INPP4B: variants seen among roughly 807,000 people sequenced by gnomAD.
The protein encoded by INPP4B is inositol polyphosphate-4-phosphatase type II B.
In INPP4B, 55 loss-of-function variants were observed where a neutral mutation model predicts 122.5. The ratio of observed to expected loss-of-function variants is 0.45; its 90% CI spans 0.36 to 0.56. The LOEUF is 0.56. Ranked by LOEUF, INPP4B falls within the 20% of genes least tolerant of loss-of-function variation. INPP4B has a pLI of 0.00. For synonymous variants in INPP4B, 403 were observed against 388.7 expected (o/e 1.04, Z -0.43); for missense variants, 1,000 against 1,097.7 (o/e 0.91, Z 1.26).
intron 15 of INPP4B, among the ~76,000 whole-genome samples, chr4:142,184,367 G>A (rs192615445): frequency 1.4e-3 from 213 of 152,232 alleles, no homozygotes; most frequent in Non-Finnish European, 5.0e-4. Flanking sequence ...AAACACTAAT[G>A]TTATACCTGC....
At chr4:142,414,596 C>T (rs1163961878) in intron 5 of INPP4B, among the ~76,000 whole-genome samples, 1 of 152,198 alleles carries the variant, frequency 6.6e-6, no homozygotes, top group Non-Finnish European at 1.5e-5. Context: ...CTCCCATTCT[C>T]AAGCTTATGC....
chr4:142,123,199 T>C (rs1797285449), intron 20 of INPP4B, 93 bp downstream of exon 20: 2 of 1,057,920 alleles, frequency 1.9e-6, no homozygotes, highest in Admixed American at 5.2e-5. Flanking sequence ...ACAATAAAGG[T>C]TTACTTATTT....
intron 23 of INPP4B, among the ~76,000 whole-genome samples, chr4:142,090,349 C>T (rs1778932604): frequency 6.6e-6 from 1 of 150,864 alleles, no homozygotes; most frequent in African/African-American, 2.4e-5. Flanking sequence ...ACAAAACTTG[C>T]TTTATTCAGA....
At position 142,592,670 on chromosome 4, in the gene INPP4B, C is replaced by G. The variant is rs375109560; in HGVS notation, c.-190-129944G>C. On this transcript the variant is annotated intron_variant, in intron 2 of 25. Coordinates refer to ENST00000262992, the MANE Select transcript of INPP4B (RefSeq NM_001101669.3). ...ATTGTATGAGAGATTTGAACTTAGGCAGTCATCATTTTTTTCTTTTTAAGT... is the reference window on the plus strand; with the variant it reads ...ATTGTATGAGAGATTTGAACTTAGGGAGTCATCATTTTTTTCTTTTTAAGT... Among the ~76,000 whole-genome samples the G allele has an allele frequency of 2.0e-4, 30 of 152,246 alleles. No individual in the cohort carries two copies. The East Asian group carries it at 4.0e-3, about 21-fold the overall frequency.
chr4:142,391,923 A>G (rs1797826108), intron 7 of INPP4B, among the ~76,000 whole-genome samples: 3 of 152,190 alleles, frequency 2.0e-5, no homozygotes, highest in Admixed American at 2.0e-4. Context: ...TGATTGTATA[A>G]AAGCTTTCCC....
chr4:142,259,866 A>G lies in INPP4B; in HGVS notation c.688+626T>C, dbSNP rs10001767. Among the ~76,000 whole-genome samples, 698 of 152,262 alleles carry G rather than the reference A, an allele frequency of 4.6e-3. 5 individuals carry two copies. The highest frequency in any genetic ancestry group is 0.016 in the African/African-American group (659 of 41,536). On this transcript the variant is annotated intron_variant, in intron 11 of 25. Coordinates refer to ENST00000262992, the MANE Select transcript of INPP4B (RefSeq NM_001101669.3). ...TAGCCTAGGCCCACATGGGGTCAGG[A>G]TCATCAAGATGTTACTAGGCAATAG...
chr4:142,046,954 T>G, intron 25 of INPP4B, among the ~76,000 whole-genome samples: 1 of 152,198 alleles, frequency 6.6e-6, no homozygotes, highest in Admixed American at 6.6e-5. Flanking sequence ...AGGCAGCAAT[T>G]AAAAACTCCA....
At chr4:142,268,297 T>C (rs1204909734) in intron 10 of INPP4B, among the ~76,000 whole-genome samples, 1 of 54,174 alleles carries the variant, frequency 1.8e-5, no homozygotes, top group Non-Finnish European at 3.9e-5. Flanking sequence ...CACTCTGGCC[T>C]GGGTGACAGA....
rs192235841 is a variant in INPP4B at position 142,597,112 on chromosome 4, A to G, written c.-191+128727T>C. Among the ~76,000 whole-genome samples, 395 of 152,350 alleles carry G rather than the reference A, an allele frequency of 2.6e-3. 3 individuals are homozygous for G. Among genetic ancestry groups the G allele is most frequent in the African/African-American group, 9.2e-3 (384 of 41,584 alleles). On this transcript the variant is annotated intron_variant, in intron 2 of 25. Transcript: ENST00000262992. Reference sequence around the variant, plus strand: ...ATATAAGTGACATTGGAGAAAATAAATTCCTTGCCCAGATTTTCCCAAATA... The same window carrying G: ...ATATAAGTGACATTGGAGAAAATAAGTTCCTTGCCCAGATTTTCCCAAATA...
At chr4:142,627,911 T>C (rs1032173841) in intron 2 of INPP4B, among the ~76,000 whole-genome samples, 34 of 151,864 alleles carry the variant, frequency 2.2e-4, no homozygotes, top group African/African-American at 8.0e-4. Context: ...AAGCTATTGA[T>C]TATTGCCACA....
chr4:142,484,774 T>G (rs1050569833), intron 2 of INPP4B, among the ~76,000 whole-genome samples: 1 of 151,970 alleles, frequency 6.6e-6, no homozygotes, highest in Non-Finnish European at 1.5e-5. Context: ...CTCTCCACCC[T>G]TCGACAGGTC....
At chr4:142,508,797 G>T (rs1227049872) in intron 2 of INPP4B, among the ~76,000 whole-genome samples, 1 of 152,126 alleles carries the variant, frequency 6.6e-6, no homozygotes, top group African/African-American at 2.4e-5. Context: ...GACATTCTTG[G>T]TTCTCCCAAA....
intron 2 of INPP4B, among the ~76,000 whole-genome samples, chr4:142,665,493 C>CAAAAAAAA (rs11417876): frequency 9.3e-6 from 1 of 107,758 alleles, no homozygotes; most frequent in African/African-American, 3.6e-5. Context: ...GACTCTGTCT[C>CAAAAAAAA]AAAAAAAAAA....
At chr4:142,735,924 A>AAC (rs33993491) in intron 1 of INPP4B, among the ~76,000 whole-genome samples, 18,072 of 142,526 alleles carry the variant, frequency 0.13, 1,129 homozygotes, top group Admixed American at 0.19. Flanking sequence ...TATACATTGC[A>AAC]ACACACACAC....
chr4:142,426,476 C>T (rs1239852291), intron 5 of INPP4B: 2 of 151,838 alleles, frequency 1.3e-5, no homozygotes, highest in East Asian at 1.9e-4. Flanking sequence ...GAAACAGAGT[C>T]GCAGTTGTAG....
At chr4:142,813,866 C>T (rs770853822) in intron 1 of INPP4B, among the ~76,000 whole-genome samples, 2 of 152,116 alleles carry the variant, frequency 1.3e-5, no homozygotes, top group Admixed American at 6.6e-5. Flanking sequence ...TTTGAGTACT[C>T]AATAAAACAG....
rs1770914899 is a variant in INPP4B, at chr4:142,323,442, A to AT, written c.373-8681_373-8680insA. On this transcript the variant is annotated intron_variant, in intron 7 of 25. Coordinates refer to ENST00000262992, the MANE Select transcript of INPP4B (RefSeq NM_001101669.3). ...GAGGTTCATTATTACGGTTATGATG[A>AT]CTTTTTTTTTTTTTTTTTTTTGAGA... Among the ~76,000 whole-genome samples, 4 of 133,886 alleles carry AT rather than the reference A, an allele frequency of 3.0e-5. No homozygotes were observed. In the Admixed American group the frequency reaches 3.2e-4, roughly 11 times the overall value. The allele number at this position is 133,886 out of a possible 152,430, so 87.8% of individuals were successfully genotyped here.
chr4:142,527,096 C>T (rs1421744552), intron 2 of INPP4B, among the ~76,000 whole-genome samples: 1 of 151,524 alleles, frequency 6.6e-6, no homozygotes, highest in Non-Finnish European at 1.5e-5. Context: ...TAAAATATGC[C>T]CAATATGAAA....
At chr4:142,486,478 A>C (rs1304780971) in intron 2 of INPP4B, among the ~76,000 whole-genome samples, 4 of 152,056 alleles carry the variant, frequency 2.6e-5, no homozygotes, top group African/African-American at 9.7e-5. Flanking sequence ...TTATTGTGGG[A>C]TAGGAGTCAC....
Sources: allele counts gnomAD v4.1 joint callset (sites outside exome capture counted in the v4.1 genomes callset), GRCh38; gene constraint gnomAD v4.1.1; transcripts MANE v1.5; gene names NCBI Gene and HGNC (gene_info 2026-07-23, HGNC 2026-07-21).